PTPN14: variants seen among roughly 807,000 people sequenced by gnomAD.
PTPN14 encodes the protein protein tyrosine phosphatase non-receptor type 14, also known as tyrosine-protein phosphatase non-receptor type 14.
In PTPN14, 53 loss-of-function variants were observed where a neutral mutation model predicts 126.8. That is an observed-to-expected ratio of 0.42 (90% CI 0.34 to 0.53). The LOEUF (loss-of-function observed/expected upper bound fraction) is 0.53, where lower values mean the gene tolerates loss of function less well. Among genes scored for constraint, PTPN14 ranks in the 20% least tolerant of loss-of-function variants. The pLI, the probability that PTPN14 is intolerant of heterozygous loss-of-function variation, is 0.08. For synonymous variants in PTPN14, 630 were observed against 599.3 expected (o/e 1.05, Z -0.75); for missense variants, 1,257 against 1,552.9 (o/e 0.81, Z 3.20).
At chr1:214,386,395 C>A (rs1658610416) in intron 12 of PTPN14, among the ~76,000 whole-genome samples, 1 of 152,170 alleles carries the variant, frequency 6.6e-6, no homozygotes, top group Non-Finnish European at 1.5e-5. Context: ...AAGAAAGGGG[C>A]TGGAGAAAGA....
chr1:214,481,038 C>T (rs182487925), intron 1 of PTPN14, among the ~76,000 whole-genome samples: 9 of 152,156 alleles, frequency 5.9e-5, no homozygotes, highest in African/African-American at 1.9e-4. Flanking sequence ...ATCTACAAAA[C>T]GTGTCAAGTA....
chr1:214,448,383 A>G (rs1271253569), intron 3 of PTPN14, among the ~76,000 whole-genome samples: 3 of 146,680 alleles, frequency 2.0e-5, no homozygotes, highest in Admixed American at 1.4e-4. Context: ...GGTGCCCCCA[A>G]CCAAGCCGGG....
intron 1 of PTPN14, chr1:214,529,148 A>T (rs1445209790): frequency 6.6e-6 from 1 of 151,990 alleles, no homozygotes; most frequent in Non-Finnish European, 1.5e-5. Flanking sequence ...ACCAAAAAAT[A>T]AAAATTAAAA....
At position 214,420,036 on chromosome 1, in the gene PTPN14, CTAAAAGCTTTTACAT is replaced by C. The variant is rs1168114550; in HGVS notation, c.345-5325_345-5311del. Among the ~76,000 whole-genome samples, 4 of 152,184 alleles carry C rather than the reference CTAAAAGCTTTTACAT, an allele frequency of 2.6e-5. No homozygotes were observed. The East Asian group carries it at 7.7e-4, about 29-fold the overall frequency. ...GTTTGGTACCTGACCCATGCACTAT[CTAAAAGCTTTTACAT>C]TTAATGACTGTTCAAGTTGACAGTC... On this transcript the variant is annotated intron_variant, in intron 3 of 18. Transcript: ENST00000366956.
rs1178678823 is a variant in PTPN14 at position 214,364,514 on chromosome 1, C to T, written c.3433G>A (p.Glu1145Lys). The T allele has an allele frequency of 6.2e-7, 1 of 1,613,516 alleles. No individual in the cohort carries two copies. Among genetic ancestry groups the T allele is most frequent in the Non-Finnish European group, 8.5e-7 (1 of 1,179,754 alleles). Residue 1145 changes from glutamate (E) to lysine (K), a missense_variant and splice_region_variant, in exon 18 of 19, where the codon GAA becomes AAA. By Grantham distance (56) the Glu-to-Lys change is moderately conservative. Around this residue, in one of 3 missense-constraint regions of PTPN14, gnomAD observed 171 missense variants for 229.8 expected, o/e 0.74. Coordinates refer to ENST00000366956, the MANE Select transcript of PTPN14 (RefSeq NM_005401.5). This position sits in a 1 kb window ranked among gnomAD's most constrained non-coding sequence, Gnocchi z 4.1. ...GAGAGAAGCCCAGAATGACTCACTTCGTTATGTTCCAAGCAGTAGATCATC... is the reference window on the plus strand; with the variant it reads ...GAGAGAAGCCCAGAATGACTCACTTTGTTATGTTCCAAGCAGTAGATCATC... ...ELMIYCLEHN[E>K]KVEVPMMLRL...
intron 1 of PTPN14, among the ~76,000 whole-genome samples, chr1:214,548,439 T>G (rs1463295258): frequency 6.6e-6 from 1 of 152,212 alleles, no homozygotes; most frequent in African/African-American, 2.4e-5. Context: ...CTACCAAAGC[T>G]TTCGTGTTTG....
intron 15 of PTPN14, among the ~76,000 whole-genome samples, chr1:214,374,126 A>G (rs941079458): frequency 6.6e-6 from 1 of 152,224 alleles, no homozygotes; most frequent in Non-Finnish European, 1.5e-5. Context: ...TTGCAAAGTC[A>G]GGTCCCTTCT....
chr1:214,383,970 T>C lies in PTPN14; in HGVS notation c.1885A>G (p.Thr629Ala), dbSNP rs892287516. The change falls in exon 13 of 19, where the codon ACG becomes GCG. Residue 629 changes from threonine (T) to alanine (A), a missense_variant. By Grantham distance (58) the Thr-to-Ala change is moderately conservative. Coordinates refer to ENST00000366956, the MANE Select transcript of PTPN14 (RefSeq NM_005401.5). This position sits in a 1 kb window ranked among gnomAD's most constrained non-coding sequence, Gnocchi z 4.4. Reference sequence around the variant, plus strand: ...ACAGTGCCGTGGTGCTTGGTGGCCGTGAGGGGCTCGCTCACCTCCTGGAGA... The same window carrying C: ...ACAGTGCCGTGGTGCTTGGTGGCCGCGAGGGGCTCGCTCACCTCCTGGAGA... The part of the protein sequence containing the change: ...QSLQEVSEPL[T>A]ATKHHGTVNK... 2.5e-6 allele frequency: 4 copies of C among 1,611,704 alleles called. No homozygotes were observed. Among genetic ancestry groups the C allele is most frequent in the African/African-American group, 2.7e-5 (2 of 74,992 alleles).
chr1:214,523,326 A>C (rs1558140963), intron 1 of PTPN14, among the ~76,000 whole-genome samples: 3 of 152,196 alleles, frequency 2.0e-5, no homozygotes, highest in Non-Finnish European at 4.4e-5. Context: ...CATGCACTAC[A>C]TGACATCTCA....
At chr1:214,404,385 G>A (rs368246537) in intron 5 of PTPN14, among the ~76,000 whole-genome samples, 8 of 152,276 alleles carry the variant, frequency 5.3e-5, no homozygotes, top group East Asian at 3.9e-4. Context: ...GTCCGTGATA[G>A]GAAATAAGCT....
intron 5 of PTPN14, among the ~76,000 whole-genome samples, chr1:214,403,539 C>G (rs879584139): frequency 1.3e-5 from 2 of 152,164 alleles, no homozygotes; most frequent in African/African-American, 4.8e-5. Flanking sequence ...GCATCTCTAC[C>G]AGCTGAACCC....
In PTPN14 at chr1:214,394,994, G is replaced by C; in HGVS notation, c.759-8C>G. On this transcript the variant is annotated splice_region_variant and splice_polypyrimidine_tract_variant and intron_variant, in intron 8 of 18. Transcript: ENST00000366956. ...TTCCCCATGTCATTCCACCTGGTTA[G>C]AAGAAATGTCACTGTGTTTACTCAA... The C allele has an allele frequency of 6.2e-7, 1 of 1,602,414 alleles. No homozygotes were observed. Among genetic ancestry groups the C allele is most frequent in the Non-Finnish European group, 8.6e-7 (1 of 1,169,588 alleles).
At position 214,364,757 on chromosome 1, in the gene PTPN14, C is replaced by G; in HGVS notation, c.3272-82G>C. ...TTGGGGAGGGGGGAGCGGAAGAGAA[C>G]TGATGGTGAGTGTGTGTGTGTGTGT... is the stretch of plus-strand genomic sequence containing the variant. On this transcript the variant is annotated intron_variant, in intron 17 of 18. Coordinates refer to ENST00000366956, the MANE Select transcript of PTPN14 (RefSeq NM_005401.5). This position sits in a 1 kb window ranked among gnomAD's most constrained non-coding sequence, Gnocchi z 4.1. 3 of 1,000,444 alleles carry G rather than the reference C, an allele frequency of 3.0e-6. No homozygotes were observed. The highest frequency in any genetic ancestry group is 4.2e-6 in the Non-Finnish European group (3 of 716,886). 62.0% of individuals were successfully genotyped at this position (1,000,444 alleles called of 1,614,324 possible).
chr1:214,460,573 C>T (rs957742608), intron 2 of PTPN14, among the ~76,000 whole-genome samples: 1 of 146,192 alleles, frequency 6.8e-6, no homozygotes, highest in African/African-American at 2.6e-5. Context: ...GCAAACTGAA[C>T]TCTGCCTTTC....
chr1:214,472,373 T>C (rs1347683487), intron 1 of PTPN14, among the ~76,000 whole-genome samples: 3 of 152,126 alleles, frequency 2.0e-5, no homozygotes, highest in Non-Finnish European at 1.5e-5. Context: ...TCCACCATGA[T>C]TGAAAGCTCC....
intron 3 of PTPN14, among the ~76,000 whole-genome samples, chr1:214,421,158 C>T (rs1490185843): frequency 6.6e-6 from 1 of 152,212 alleles, no homozygotes; most frequent in Non-Finnish European, 1.5e-5. Flanking sequence ...AAAAGTCTAA[C>T]ACCTGATGGA....
At chr1:214,388,492 C>T (rs769140427) in intron 11 of PTPN14, among the ~76,000 whole-genome samples, 2 of 151,952 alleles carry the variant, frequency 1.3e-5, no homozygotes, top group Non-Finnish European at 2.9e-5. Flanking sequence ...CTGCAACCTC[C>T]GCCTCCCGGG....
intron 17 of PTPN14, among the ~76,000 whole-genome samples, chr1:214,366,876 G>C (rs1266305728): frequency 6.6e-6 from 1 of 151,628 alleles, no homozygotes; most frequent in South Asian, 2.1e-4. Context: ...CCAGCTACTC[G>C]GAGAGGCTGA....
intron 1 of PTPN14, among the ~76,000 whole-genome samples, chr1:214,550,554 G>A (rs924886870): frequency 1.3e-5 from 2 of 152,224 alleles, no homozygotes; most frequent in Non-Finnish European, 2.9e-5. Context: ...AGGAGAGGCT[G>A]TTAATACCTA....
Sources: allele counts gnomAD v4.1 joint callset (sites outside exome capture counted in the v4.1 genomes callset), GRCh38; gene constraint gnomAD v4.1.1; regional missense constraint gnomAD v4.1.1; non-coding constraint Gnocchi (gnomAD v3.1); transcripts MANE v1.5; gene names NCBI Gene and HGNC (gene_info 2026-07-23, HGNC 2026-07-21).